The following ACTR3C variants were observed in gnomAD, a reference collection of about 807,000 sequenced individuals.
The protein encoded by ACTR3C is actin-related protein 3C.
In ACTR3C, 18 loss-of-function variants were observed where a neutral mutation model predicts 26.3. The ratio of observed to expected loss-of-function variants is 0.68; its 90% CI spans 0.47 to 1.01. The LOEUF is 1.01. ACTR3C is among the 50% of genes least tolerant of loss of function. The pLI, the probability that ACTR3C is intolerant of heterozygous loss-of-function variation, is 0.00. For synonymous variants in ACTR3C, 55 were observed against 94.5 expected, an observed-to-expected ratio of 0.58 and a Z score of 2.42; for missense variants, 184 against 250.7, an observed-to-expected ratio of 0.73 and a Z score of 1.80.
chr7:150,096,287 A>G, the ACTR3C span, among the ~76,000 whole-genome samples: 71 of 151,018 alleles, frequency 4.7e-4, no homozygotes, highest in Non-Finnish European at 9.6e-4. Context: ...ATCTCAATTA[A>G]TTTGGAGTTT....
At chr7:150,000,039 T>C in the ACTR3C span, among the ~76,000 whole-genome samples, 10 of 149,590 alleles carry the variant, frequency 6.7e-5, no homozygotes, top group Non-Finnish European at 1.2e-4. Flanking sequence ...GCCAATCTAG[T>C]ATAGTCATTA....
the ACTR3C span, among the ~76,000 whole-genome samples, chr7:150,030,370 A>G: frequency 6.6e-6 from 1 of 150,566 alleles, no homozygotes; most frequent in East Asian, 2.0e-4. Flanking sequence ...GCAAGTGGCT[A>G]TTGGATTGGA....
intron 1 of ACTR3C, among the ~76,000 whole-genome samples, chr7:150,295,556 C>T (rs1450192374): frequency 2.0e-5 from 3 of 152,268 alleles, no homozygotes; most frequent in Non-Finnish European, 4.4e-5. Context: ...TCTCTGAAGG[C>T]CTCTGTTCTT....
At chr7:150,091,759 G>T in the ACTR3C span, among the ~76,000 whole-genome samples, 1 of 147,926 alleles carries the variant, frequency 6.8e-6, no homozygotes. Flanking sequence ...GAGGCGGGCG[G>T]ATCACGAGGT....
the ACTR3C span, among the ~76,000 whole-genome samples, chr7:149,930,141 C>T: frequency 6.6e-6 from 1 of 152,142 alleles, no homozygotes; most frequent in African/African-American, 2.4e-5. Flanking sequence ...ACATGACATC[C>T]ACCAGATGCA....
At chr7:150,121,563 C>A in the ACTR3C span, among the ~76,000 whole-genome samples, 1 of 148,718 alleles carries the variant, frequency 6.7e-6, no homozygotes, top group Non-Finnish European at 1.5e-5. Flanking sequence ...CTACAAACCA[C>A]TTCTCAAGGA....
At chr7:150,252,007 T>C (rs1366139506) in intron 6 of ACTR3C, among the ~76,000 whole-genome samples, 9 of 152,236 alleles carry the variant, frequency 5.9e-5, no homozygotes, top group African/African-American at 2.2e-4. Context: ...AGCAACTTCA[T>C]AGAACACAGC....
At chr7:149,988,476 T>C in the ACTR3C span, among the ~76,000 whole-genome samples, 3 of 152,238 alleles carry the variant, frequency 2.0e-5, no homozygotes, top group Admixed American at 1.3e-4. Flanking sequence ...TTTAGCACCA[T>C]GTAAATTCCC....
chr7:150,005,479 C>T, the ACTR3C span, among the ~76,000 whole-genome samples: 1 of 151,912 alleles, frequency 6.6e-6, no homozygotes, highest in Non-Finnish European at 1.5e-5. Flanking sequence ...AAAAGCTGCA[C>T]GATGAACAAA....
chr7:150,288,414 T>C (rs1835949616), intron 4 of ACTR3C, among the ~76,000 whole-genome samples: 1 of 135,412 alleles, frequency 7.4e-6, no homozygotes. Context: ...TTTTTTTTTT[T>C]TTTCTTCTTT....
Position 150,299,464 on chromosome 7 carries a change from CAAAAAAAAAAAA to C in ACTR3C, c.-51-4129_-51-4118del, listed in dbSNP as rs759969034. Reference sequence around the variant, plus strand: ...CTTGGACAACATAGAGACCCCCTCTCAAAAAAAAAAAAAAAAAAAAAAAAAAAAAACAAAAAA... The same window carrying C: ...CTTGGACAACATAGAGACCCCCTCTCAAAAAAAAAAAAAAAAAACAAAAAA... On this transcript the variant is annotated intron_variant, in intron 1 of 7. Transcript: ENST00000683684. Among the ~76,000 whole-genome samples, 10 of 14,112 alleles carry C rather than the reference CAAAAAAAAAAAA, an allele frequency of 7.1e-4. No homozygotes were observed. The East Asian group carries it at 0.011, about 15-fold the overall frequency. 9.3% of individuals were successfully genotyped at this position (14,112 alleles called of 152,430 possible).
At chr7:150,127,543 T>A in the ACTR3C span, among the ~76,000 whole-genome samples, 1 of 151,934 alleles carries the variant, frequency 6.6e-6, no homozygotes, top group South Asian at 2.1e-4. Context: ...ATTCTGCATG[T>A]GACTAATGTC....
chr7:150,053,116 C>A, the ACTR3C span, among the ~76,000 whole-genome samples: 3 of 145,024 alleles, frequency 2.1e-5, no homozygotes, highest in Non-Finnish European at 4.5e-5. Flanking sequence ...ACACAATGAT[C>A]GTTTCCACAG....
the ACTR3C span, among the ~76,000 whole-genome samples, chr7:150,203,503 C>T: frequency 6.6e-6 from 1 of 152,182 alleles, no homozygotes; most frequent in African/African-American, 2.4e-5. Flanking sequence ...TCCTGATACA[C>T]CCCCTGAATG....
chr7:150,180,359 T>C, the ACTR3C span, among the ~76,000 whole-genome samples: 2 of 150,712 alleles, frequency 1.3e-5, no homozygotes, highest in African/African-American at 5.0e-5. Flanking sequence ...TATGTTTTTT[T>C]ACATAAAGTG....
At chr7:150,252,148 A>ATGTG (rs757960368) in intron 6 of ACTR3C, among the ~76,000 whole-genome samples, 2 of 147,096 alleles carry the variant, frequency 1.4e-5, no homozygotes, top group African/African-American at 5.0e-5. Flanking sequence ...GTGTGTGTGC[A>ATGTG]TGTGTGTGTG....
At chr7:150,300,494 G>A (rs1386176367) in intron 1 of ACTR3C, among the ~76,000 whole-genome samples, 1 of 152,102 alleles carries the variant, frequency 6.6e-6, no homozygotes, top group Non-Finnish European at 1.5e-5. Flanking sequence ...AAAGAGGCGA[G>A]GGGGGCACGC....
At chr7:150,167,210 T>G in the ACTR3C span, among the ~76,000 whole-genome samples, 1 of 150,716 alleles carries the variant, frequency 6.6e-6, no homozygotes, top group African/African-American at 2.5e-5. Flanking sequence ...ACAGATCTAT[T>G]TTTAGTTTTT....
chr7:150,143,122 G>A, the ACTR3C span, among the ~76,000 whole-genome samples: 1 of 152,234 alleles, frequency 6.6e-6, no homozygotes. Context: ...ATGAGCCACC[G>A]CGCCCAACCC....
Sources: gnomAD v4.1 joint callset for allele counts (sites outside exome capture counted in the v4.1 genomes callset) on GRCh38, gnomAD v4.1.1 for gene constraint, MANE v1.5 for transcripts, NCBI Gene and HGNC (gene_info 2026-07-23, HGNC 2026-07-21) for gene names.